ADCK2: variants seen among roughly 807,000 people sequenced by gnomAD.
ADCK2 encodes aarF domain containing kinase 2, also known as uncharacterized aarF domain-containing protein kinase 2.
In ADCK2, 37 loss-of-function variants were observed where a neutral mutation model predicts 52.3. That is an observed-to-expected ratio of 0.71 (90% CI 0.54 to 0.93). The LOEUF (loss-of-function observed/expected upper bound fraction) is 0.93, where lower values mean the gene tolerates loss of function less well. ADCK2 is among the 40% of genes least tolerant of loss of function. The probability of loss-of-function intolerance (pLI) is 0.00; values close to 1 mark genes in which losing one functional copy is unlikely to be tolerated. For missense variants in ADCK2, 695 were observed against 798.7 expected (o/e 0.87, Z 1.56); for synonymous variants, 321 against 349.2 (o/e 0.92, Z 0.90).
chr7:140,674,682 G>A lies in ADCK2; in HGVS notation c.1005G>A (p.Leu335=). 2 of 1,614,112 alleles carry A rather than the reference G, an allele frequency of 1.2e-6. No homozygotes were observed. Among genetic ancestry groups the A allele is most frequent in the Non-Finnish European group, 8.5e-7 (1 of 1,180,016 alleles). ...LLLMKIGSRV[L]GVLPGIKWLS... is the part of the protein sequence containing the mutation. The stretch of plus-strand genomic sequence containing the variant: ...TGATGAAGATTGGCAGCCGAGTCCT[G>A]GGAGTTTTGCCAGGCATCAAGTGGC... Residue 335 remains leucine, a synonymous_variant, in exon 2 of 8, where the codon CTG becomes CTA. Coordinates refer to ENST00000072869, the MANE Select transcript of ADCK2 (RefSeq NM_052853.4). The surrounding 1 kb of genome is among the most constrained non-coding windows in gnomAD (Gnocchi z 4.6).
intron 6 of ADCK2, among the ~76,000 whole-genome samples, chr7:140,690,306 G>A (rs977629946): frequency 1.4e-4 from 22 of 152,160 alleles, no homozygotes; most frequent in African/African-American, 5.1e-4. Context: ...GGATTCAAGC[G>A]ATTCTCCTGC....
At chr7:140,687,996 G>T (rs559917598) in intron 5 of ADCK2, among the ~76,000 whole-genome samples, 59 of 151,968 alleles carry the variant, frequency 3.9e-4, no homozygotes, top group African/African-American at 1.3e-3. Flanking sequence ...TAGGACTACA[G>T]GCTGGGCAGG....
rs531257854 is a variant in ADCK2, at chr7:140,688,767, C to T, written c.1558-830C>T. On this transcript the variant is annotated intron_variant, in intron 5 of 7. Transcript: ENST00000072869. ...GATGTGGGGACATGAGTAGTTTTTG[C>T]AGCCTCCCCTGTGATTCTGAGGGTC... Among the ~76,000 whole-genome samples, 4 of 152,248 alleles carry T rather than the reference C, an allele frequency of 2.6e-5. No individual in the cohort carries two copies. In the East Asian group the frequency reaches 7.7e-4, roughly 29 times the overall value.
In ADCK2 at chr7:140,690,875, G is replaced by A. The variant is rs532573307; in HGVS notation, c.1740+62G>A. 1.6e-5 allele frequency: 23 copies of A among 1,482,190 alleles called. No homozygotes were observed. In the African/African-American group the frequency reaches 2.4e-4, roughly 15 times the overall value. 91.8% of individuals were successfully genotyped at this position (1,482,190 alleles called of 1,614,324 possible). On this transcript the variant is annotated intron_variant, in intron 7 of 7. Coordinates refer to ENST00000072869, the MANE Select transcript of ADCK2 (RefSeq NM_052853.4). ...TGGGACGGGGCAGGGAGGAATGGGA[G>A]GACACAGGGTGGTGGGAGGCGCTTC...
chr7:140,687,755 G>A (rs1292529999), intron 5 of ADCK2, among the ~76,000 whole-genome samples: 1 of 151,856 alleles, frequency 6.6e-6, no homozygotes, highest in Non-Finnish European at 1.5e-5. Flanking sequence ...GTGTGCGCCT[G>A]TGGTCCCAGC....
intron 7 of ADCK2, among the ~76,000 whole-genome samples, chr7:140,691,504 G>T (rs1214754970): frequency 6.7e-6 from 1 of 149,570 alleles, no homozygotes; most frequent in South Asian, 2.1e-4. Context: ...GTCATGCCTT[G>T]TGTCCTGGTG....
chr7:140,673,100 C>A lies in ADCK2; in HGVS notation c.-231C>A, dbSNP rs1055668680. 1 of 275,862 alleles carries A rather than the reference C, an allele frequency of 3.6e-6. No homozygotes were observed. The highest frequency in any genetic ancestry group is 6.7e-5 in the East Asian group (1 of 14,966). 17.1% of individuals were successfully genotyped at this position (275,862 alleles called of 1,614,324 possible). A position where few individuals can be genotyped will look rare whatever the true frequency, so the allele number is the denominator to read the frequency against. On this transcript the variant is annotated 5_prime_UTR_variant, in exon 1 of 8. Transcript: ENST00000072869. The surrounding 1 kb of genome is among the most constrained non-coding windows in gnomAD (Gnocchi z 6.4). The stretch of plus-strand genomic sequence containing the variant: ...GCTCCTCCCGTTCCGCAGTTGGTGC[C>A]GTCTGACAGCCCCTTCCGCGCGGCG...
chr7:140,687,112 GGT>G lies in ADCK2; in HGVS notation c.1430_1431del (p.Val477GlyfsTer27). 6.2e-7 allele frequency: 1 copy of G among 1,613,908 alleles called. No individual in the cohort carries two copies. Among genetic ancestry groups the G allele is most frequent in the Non-Finnish European group, 8.5e-7 (1 of 1,180,036 alleles). ...LQQADICDTL[V>X]VAVPSSLCPL... ...AGCAGGCGGACATCTGTGACACTCT[GGT>G]GGTGGCCGTGCCATCTTCCCTCTGC... On this transcript the variant is annotated frameshift_variant, in exon 5 of 8. Transcript: ENST00000072869. LOFTEE classifies it high-confidence loss of function.
chr7:140,673,761 C>A lies in ADCK2; in HGVS notation c.431C>A (p.Thr144Asn). The part of the protein sequence containing the change: ...LLKATETSGP[T>N]YIKLGQWAST... The stretch of plus-strand genomic sequence containing the variant: ...AAAGCCACCGAGACCTCAGGCCCAA[C>A]CTACATCAAACTGGGCCAGTGGGCC... The change falls in exon 1 of 8, where the codon ACC (threonine) becomes AAC (asparagine). Residue 144 changes from threonine to asparagine, a missense_variant. Coordinates refer to ENST00000072869, the MANE Select transcript of ADCK2 (RefSeq NM_052853.4). The surrounding 1 kb of genome is among the most constrained non-coding windows in gnomAD (Gnocchi z 6.4). 6.2e-7 allele frequency: 1 copy of A among 1,613,724 alleles called. No homozygotes were observed. The highest frequency in any genetic ancestry group is 1.1e-5 in the South Asian group (1 of 91,076).
chr7:140,690,116 C>G (rs1208297540), intron 6 of ADCK2, among the ~76,000 whole-genome samples: 1 of 152,184 alleles, frequency 6.6e-6, no homozygotes, highest in Non-Finnish European at 1.5e-5. Context: ...GTTTTATCCC[C>G]AAGTTCATGG....
chr7:140,676,653 C>A (rs2130780352), intron 2 of ADCK2, among the ~76,000 whole-genome samples: 1 of 152,324 alleles, frequency 6.6e-6, no homozygotes. Flanking sequence ...AGGCTGGAAG[C>A]CTTAGAGTTG....
rs1231960088 is a variant in ADCK2 at position 140,674,704 on chromosome 7, T to G, written c.1027T>G (p.Trp343Gly). 6.2e-7 allele frequency: 1 copy of G among 1,614,058 alleles called. No individual in the cohort carries two copies. The highest frequency in any genetic ancestry group is 2.2e-5 in the East Asian group (1 of 44,890). Residue 343 changes from tryptophan to glycine, a missense_variant, in exon 2 of 8, where the codon TGG (tryptophan) becomes GGG (glycine). Physicochemically the swap from Trp to Gly is radical, Grantham distance 184. Coordinates refer to ENST00000072869, the MANE Select transcript of ADCK2 (RefSeq NM_052853.4). The surrounding 1 kb of genome is among the most constrained non-coding windows in gnomAD (Gnocchi z 4.6). ...CCTGGGAGTTTTGCCAGGCATCAAG[T>G]GGCTTAGCTTGCCTGAGATTGTGGA... ...RVLGVLPGIK[W>G]LSLPEIVEEF...
At chr7:140,689,915 G>A (rs561420291) in intron 6 of ADCK2, among the ~76,000 whole-genome samples, 190 bp downstream of exon 6, 2 of 152,118 alleles carry the variant, frequency 1.3e-5, no homozygotes, top group African/African-American at 2.4e-5. Context: ...CTCCTTGTGC[G>A]GTGCCACTTA....
intron 5 of ADCK2, 150 bp from the exon 6 acceptor site, chr7:140,689,447 A>T: frequency 1.1e-6 from 1 of 946,154 alleles, no homozygotes; most frequent in Non-Finnish European, 1.6e-6. Flanking sequence ...GTATGGGCAA[A>T]GGGAAAAGGT....
chr7:140,688,887 G>A (rs1794654879), intron 5 of ADCK2, among the ~76,000 whole-genome samples: 1 of 152,192 alleles, frequency 6.6e-6, no homozygotes, highest in African/African-American at 2.4e-5. Flanking sequence ...ACTCTGAGGA[G>A]GCCCTCTGGC....
chr7:140,679,361 T>C, intron 3 of ADCK2, 78 bp downstream of exon 3: 1 of 1,575,280 alleles, frequency 6.3e-7, no homozygotes, highest in Non-Finnish European at 8.7e-7. Flanking sequence ...ACAGAAAGGC[T>C]TCAGTCTGGA....
At position 140,673,436 on chromosome 7, in the gene ADCK2, G is replaced by T; in HGVS notation, c.106G>T (p.Asp36Tyr). The T allele has an allele frequency of 6.2e-7, 1 of 1,605,278 alleles. No homozygotes were observed. Among genetic ancestry groups the T allele is most frequent in the Non-Finnish European group, 8.5e-7 (1 of 1,176,146 alleles). ...SLLRPSECPRDARLCWLLLGT... is the reference protein window; with the variant it reads ...SLLRPSECPRYARLCWLLLGT... The stretch of plus-strand genomic sequence containing the variant: ...CCTGAGGCCCTCCGAGTGCCCTCGC[G>T]ATGCCAGGCTCTGCTGGCTTCTGCT... The change falls in exon 1 of 8, where the codon GAT (aspartate) becomes TAT (tyrosine). Residue 36 changes from aspartate (D) to tyrosine (Y), a missense_variant. Asp to Tyr is a radical substitution (Grantham distance 160). Transcript: ENST00000072869. This position sits in a 1 kb window ranked among gnomAD's most constrained non-coding sequence, Gnocchi z 6.4.
At chr7:140,694,633 G>C in intron 7 of ADCK2, 30 bp from the exon 8 acceptor site, 1 of 1,607,202 alleles carries the variant, frequency 6.2e-7, no homozygotes, top group Non-Finnish European at 8.5e-7. Flanking sequence ...AGCATGTTCT[G>C]AGATGAACTG....
At chr7:140,691,825 C>T (rs560133740) in intron 7 of ADCK2, among the ~76,000 whole-genome samples, 39 of 64,552 alleles carry the variant, frequency 6.0e-4, no homozygotes, top group Non-Finnish European at 1.0e-3. Context: ...CCGAGCAGCT[C>T]ACCTGTGGCC....
Sources: allele counts gnomAD v4.1 joint callset (sites outside exome capture counted in the v4.1 genomes callset), GRCh38; gene constraint gnomAD v4.1.1; non-coding constraint Gnocchi (gnomAD v3.1); transcripts MANE v1.5; gene names NCBI Gene and HGNC (gene_info 2026-07-23, HGNC 2026-07-21).